Variants in CP observed in about 807,000 individuals in gnomAD.
The protein encoded by CP is caeruloplasmin.
In CP, 64 loss-of-function variants were observed where a neutral mutation model predicts 122.4. That is an observed-to-expected ratio of 0.52 (90% confidence interval 0.43 to 0.64). The LOEUF (loss-of-function observed/expected upper bound fraction) is 0.64, where lower values mean the gene tolerates loss of function less well. Ranked by LOEUF, CP falls within the 30% of genes least tolerant of loss-of-function variation. CP has a pLI of 0.00. For synonymous variants in CP, 440 were observed against 436.4 expected, an observed-to-expected ratio of 1.01 and a Z score of -0.10; for missense variants, 1,167 against 1,284.4, an observed-to-expected ratio of 0.91 and a Z score of 1.40.
chr3:149,181,871 C>A (rs571438102), intron 14 of CP, 134 bp downstream of exon 14: 20 of 1,000,558 alleles, frequency 2.0e-5, no homozygotes, highest in Non-Finnish European at 2.9e-5. Flanking sequence ...ACACAGACAC[C>A]TCCTTGCATC....
intron 8 of CP, among the ~76,000 whole-genome samples, chr3:149,199,418 A>C (rs1350759733): frequency 6.6e-6 from 1 of 152,208 alleles, no homozygotes; most frequent in Non-Finnish European, 1.5e-5. Flanking sequence ...TCTTATAAGA[A>C]CTTTTTTAAA....
At chr3:149,218,569 C>T (rs1206570136) in intron 1 of CP, among the ~76,000 whole-genome samples, 1 of 152,182 alleles carries the variant, frequency 6.6e-6, no homozygotes, top group East Asian at 1.9e-4. Context: ...ACTAACCCTG[C>T]ATATAATCCC....
chr3:149,217,249 A>C (rs780165838), intron 1 of CP, among the ~76,000 whole-genome samples: 2 of 152,164 alleles, frequency 1.3e-5, no homozygotes, highest in Admixed American at 1.3e-4. Flanking sequence ...AGTCATTTAA[A>C]GTAAATTTTC....
Position 149,207,424 on chromosome 3 carries a change from A to G in CP, c.975T>C (p.Tyr325=), listed in dbSNP as rs757213080. 9 of 1,613,892 alleles carry G rather than the reference A, an allele frequency of 5.6e-6. No homozygotes were observed. In the East Asian group the frequency reaches 1.8e-4, roughly 32 times the overall value. Residue 325 remains tyrosine, a synonymous_variant, in exon 5 of 19, where the codon TAT becomes TAC. Coordinates refer to ENST00000264613, the MANE Select transcript of CP (RefSeq NM_000096.4). The part of the protein sequence containing the change: ...NLFPATLFDA[Y]MVAQNPGEWM... ...ATTCTCCAGGGTTCTGGGCCACCAT[A>G]TAAGCATCAAACAGGGTAGCAGGAA...
In CP at chr3:149,212,319, T is replaced by TA. The variant is rs199891253; in HGVS notation, c.394+131dup. 3,757 of 879,372 alleles carry TA rather than the reference T, an allele frequency of 4.3e-3. 4 individuals are homozygous for TA. The highest frequency in any genetic ancestry group is 0.015 in the South Asian group (708 of 46,778). The allele number at this position is 879,372 out of a possible 1,614,324, so 54.5% of individuals were successfully genotyped here. A position where few individuals can be genotyped will look rare whatever the true frequency, so the allele number is the denominator to read the frequency against. Reference sequence around the variant, plus strand: ...GAAGTCAAAAAAAATTAAAAAAAAATAAAAAAAAAATAGTTAAGAGCTGAA... The same window carrying TA: ...GAAGTCAAAAAAAATTAAAAAAAAATAAAAAAAAAAATAGTTAAGAGCTGAA... On this transcript the variant is annotated intron_variant, in intron 2 of 18. Coordinates refer to ENST00000264613, the MANE Select transcript of CP (RefSeq NM_000096.4).
intron 6 of CP, among the ~76,000 whole-genome samples, chr3:149,202,877 G>T (rs1395771154): frequency 3.4e-5 from 5 of 145,154 alleles, no homozygotes; most frequent in African/African-American, 1.3e-4. Context: ...CCAAAGTGCT[G>T]GGATTACAGG....
chr3:149,179,287 A>G (rs1180030638), intron 15 of CP, among the ~76,000 whole-genome samples: 3 of 152,170 alleles, frequency 2.0e-5, no homozygotes, highest in East Asian at 1.9e-4. Context: ...TTCTTGGTCA[A>G]TTTTTCAGTG....
intron 14 of CP, 75 bp downstream of exon 14, chr3:149,181,930 A>G (rs1576734044): frequency 1.3e-6 from 2 of 1,505,094 alleles, no homozygotes; most frequent in East Asian, 2.3e-5. Context: ...CAGACTCTCT[A>G]TGATGAGAGT....
chr3:149,185,816 A>C (rs1726130629), intron 11 of CP, among the ~76,000 whole-genome samples: 2 of 152,172 alleles, frequency 1.3e-5, no homozygotes, highest in Admixed American at 1.3e-4. Context: ...ATCACTTGAC[A>C]TATATGTATT....
At chr3:149,187,387 G>A (rs1288185430) in intron 10 of CP, among the ~76,000 whole-genome samples, 3 of 152,132 alleles carry the variant, frequency 2.0e-5, no homozygotes, top group Non-Finnish European at 2.9e-5. Flanking sequence ...ATGTCCATTA[G>A]TGGTGTGGGC....
intron 13 of CP, among the ~76,000 whole-genome samples, chr3:149,182,480 C>T (rs1048445454): frequency 6.6e-6 from 1 of 152,092 alleles, no homozygotes; most frequent in Admixed American, 6.5e-5. Context: ...TTTTTGTGCT[C>T]CAGCAACAAT....
intron 5 of CP, among the ~76,000 whole-genome samples, chr3:149,206,953 G>A (rs1430356798): frequency 6.6e-6 from 1 of 152,128 alleles, no homozygotes; most frequent in African/African-American, 2.4e-5. Flanking sequence ...AGAGATAAAG[G>A]AAGGATTTAT....
At chr3:149,179,330 C>T (rs1353976703) in intron 15 of CP, among the ~76,000 whole-genome samples, 2 of 152,172 alleles carry the variant, frequency 1.3e-5, no homozygotes, top group African/African-American at 4.8e-5. Flanking sequence ...AAAATCTAAA[C>T]TTCCCAAATA....
chr3:149,178,108 A>G (rs1373885389), intron 16 of CP, 129 bp from the exon 17 acceptor site: 1 of 859,236 alleles, frequency 1.2e-6, no homozygotes, highest in Non-Finnish European at 1.9e-6. Context: ...TTTACTACAA[A>G]TGAGAGAAAT....
chr3:149,183,409 C>T, intron 13 of CP, 57 bp downstream of exon 13: 4 of 1,558,584 alleles, frequency 2.6e-6, no homozygotes, highest in South Asian at 2.2e-5. Flanking sequence ...TTGACGGTTA[C>T]TGCAGGTAGC....
At chr3:149,201,945 GA>G (rs1203441783) in intron 7 of CP, among the ~76,000 whole-genome samples, 156 bp downstream of exon 7, 2 of 152,176 alleles carry the variant, frequency 1.3e-5, no homozygotes. Flanking sequence ...TTTACATTTG[GA>G]AAAGTACTTA....
intron 10 of CP, 152 bp downstream of exon 10, chr3:149,187,900 A>G: frequency 1.3e-6 from 1 of 769,998 alleles, no homozygotes; most frequent in African/African-American, 1.7e-5. Context: ...AGACACATCA[A>G]ATAACCAGTG....
chr3:149,204,331 A>G (rs1461159579), intron 6 of CP, among the ~76,000 whole-genome samples: 1 of 152,218 alleles, frequency 6.6e-6, no homozygotes, highest in Non-Finnish European at 1.5e-5. Context: ...TGCTTTTCTA[A>G]TCTCAGTGAG....
chr3:149,178,440 T>C lies in CP; in HGVS notation c.2853A>G (p.Glu951=), dbSNP rs774549595. Residue 951 remains glutamate (E), a synonymous_variant, in exon 16 of 19, where the codon GAA becomes GAG. Coordinates refer to ENST00000264613, the MANE Select transcript of CP (RefSeq NM_000096.4). ...CATGCATTTTATTGCTTTCTATGAA[T>C]TCCTCATCATCTTTGTTTACTTTCT... ...HPEKVNKDDE[E]FIESNKMHAI... is the part of the protein sequence containing the mutation. 6.2e-7 allele frequency: 1 copy of C among 1,610,932 alleles called. No individual in the cohort carries two copies. Among genetic ancestry groups the C allele is most frequent in the East Asian group, 2.2e-5 (1 of 44,844 alleles).
Sources: gnomAD v4.1 joint callset for allele counts (sites outside exome capture counted in the v4.1 genomes callset) on GRCh38, gnomAD v4.1.1 for gene constraint, MANE v1.5 for transcripts, NCBI Gene and HGNC (gene_info 2026-07-23, HGNC 2026-07-21) for gene names.